The following TOPAZ1 variants were observed in gnomAD, a reference collection of about 807,000 sequenced individuals.
TOPAZ1 encodes testis and ovary specific TOPAZ 1, also known as protein TOPAZ1.
In TOPAZ1, 66 loss-of-function variants were observed where a neutral mutation model predicts 172.2. That is an observed-to-expected ratio of 0.38 (90% CI 0.31 to 0.47). TOPAZ1 has a LOEUF of 0.47. Ranked by LOEUF, TOPAZ1 falls within the 20% of genes least tolerant of loss-of-function variation. The pLI, the probability that TOPAZ1 is intolerant of heterozygous loss-of-function variation, is 0.99. For missense variants in TOPAZ1, 1,822 were observed against 1,972.4 expected (o/e 0.92, Z 1.44); for synonymous variants, 681 against 683.9 (o/e 1.00, Z 0.07).
intron 2 of TOPAZ1, 82 bp downstream of exon 2, chr3:44,245,353 G>A (rs900051639): frequency 7.4e-7 from 1 of 1,343,040 alleles, no homozygotes; most frequent in African/African-American, 1.5e-5. Flanking sequence ...AATGTATTCA[G>A]TGATATTGAA....
At chr3:44,276,624 C>CTTTTTGTTTTTTTTT (rs1699961089) in intron 8 of TOPAZ1, among the ~76,000 whole-genome samples, 1 of 24,124 alleles carries the variant, frequency 4.1e-5, no homozygotes, top group Non-Finnish European at 7.9e-5. Context: ...CAGCTTTGTT[C>CTTTTTGTTTTTTTTT]TTTTTTTTTT....
intron 16 of TOPAZ1, among the ~76,000 whole-genome samples, chr3:44,312,016 G>A (rs1674311484): frequency 6.6e-6 from 1 of 151,754 alleles, no homozygotes; most frequent in South Asian, 2.1e-4. Flanking sequence ...CTAAGAATTT[G>A]TACTGCACAC....
At chr3:44,265,663 A>G (rs1277112916) in intron 5 of TOPAZ1, among the ~76,000 whole-genome samples, 1 of 152,218 alleles carries the variant, frequency 6.6e-6, no homozygotes, top group Non-Finnish European at 1.5e-5. Flanking sequence ...TTTTGAAAGG[A>G]ATCTTTTTGA....
In TOPAZ1 at chr3:44,309,834, G is replaced by A; in HGVS notation, c.4150G>A (p.Val1384Ile). 6.6e-7 allele frequency: 1 copy of A among 1,519,794 alleles called. No homozygotes were observed. The highest frequency in any genetic ancestry group is 8.9e-7 in the Non-Finnish European group (1 of 1,127,234). 94.1% of individuals were successfully genotyped at this position (1,519,794 alleles called of 1,614,324 possible). ...KLLQWSKGRK[V>I]LEKLYELKIH... The stretch of plus-strand genomic sequence containing the variant: ...TTTATTTTTATTCTAGGGAAGGAAG[G>A]TCTTAGAGAAACTATATGAATTAAA... Residue 1384 changes from valine to isoleucine, a missense_variant, in exon 16 of 20, where the codon GTC becomes ATC. Physicochemically the swap from Val to Ile is conservative, Grantham distance 29. Around this residue, in one of 2 missense-constraint regions of TOPAZ1, gnomAD observed 333 missense variants for 481.7 expected, o/e 0.69. Transcript: ENST00000309765.
At chr3:44,259,528 C>T (rs1699752446) in intron 4 of TOPAZ1, among the ~76,000 whole-genome samples, 1 of 152,152 alleles carries the variant, frequency 6.6e-6, no homozygotes, top group Non-Finnish European at 1.5e-5. Context: ...ACAAGTCCCA[C>T]TATTGATGGA....
chr3:44,249,403 A>G (rs769639914), intron 2 of TOPAZ1, among the ~76,000 whole-genome samples: 64 of 152,318 alleles, frequency 4.2e-4, no homozygotes, highest in Non-Finnish European at 8.7e-4. Flanking sequence ...ACAAAGAAGA[A>G]GGAAAGAAGT....
In TOPAZ1 at chr3:44,244,823, T is replaced by G; in HGVS notation, c.2317T>G (p.Phe773Val). The G allele has an allele frequency of 6.4e-7, 1 of 1,551,648 alleles. No homozygotes were observed. The highest frequency in any genetic ancestry group is 8.7e-7 in the Non-Finnish European group (1 of 1,147,002). ...GAAATCCTATAGTATTTCTCCAAGCTTTACAAAGCAAGGTAACAATAGCAA... is the reference window on the plus strand; with the variant it reads ...GAAATCCTATAGTATTTCTCCAAGCGTTACAAAGCAAGGTAACAATAGCAA... ...NKKSYSISPS[F>V]TKQGNNSKPS... The change falls in exon 2 of 20, where the codon TTT becomes GTT. Residue 773 changes from phenylalanine (F) to valine (V), a missense_variant. Phe to Val is a conservative substitution (Grantham distance 50). This residue lies in a region of TOPAZ1 where 1,489 missense variants were observed against 1,490.8 expected (regional missense o/e 1.00). Coordinates refer to ENST00000309765, the MANE Select transcript of TOPAZ1 (RefSeq NM_001145030.2).
intron 2 of TOPAZ1, 33 bp from the exon 3 acceptor site, chr3:44,254,935 T>G (rs1363022007): frequency 6.7e-7 from 1 of 1,482,162 alleles, no homozygotes; most frequent in Non-Finnish European, 9.2e-7. Context: ...TAGAATCTAT[T>G]ATAATGTTTA....
chr3:44,299,011 C>T (rs1393757685), intron 12 of TOPAZ1, among the ~76,000 whole-genome samples: 2 of 142,884 alleles, frequency 1.4e-5, no homozygotes, highest in African/African-American at 5.1e-5. Context: ...CAACCTCCGC[C>T]TCCTGGGTTC....
At chr3:44,310,293 G>A (rs1241861647) in intron 16 of TOPAZ1, among the ~76,000 whole-genome samples, 1 of 152,230 alleles carries the variant, frequency 6.6e-6, no homozygotes, top group Non-Finnish European at 1.5e-5. Context: ...GAGGTCAGGA[G>A]TTTGAGACCA....
At chr3:44,262,710 A>T (rs1699788282) in intron 5 of TOPAZ1, among the ~76,000 whole-genome samples, 1 of 152,194 alleles carries the variant, frequency 6.6e-6, no homozygotes. Flanking sequence ...TTTTTTGAGG[A>T]AAGATAAGGA....
intron 17 of TOPAZ1, among the ~76,000 whole-genome samples, chr3:44,322,655 G>A (rs886280903): frequency 6.6e-6 from 1 of 152,172 alleles, no homozygotes; most frequent in Non-Finnish European, 1.5e-5. Flanking sequence ...TTGAGCCCAG[G>A]AATTTGAGAT....
At chr3:44,328,716 G>A (rs1456573226) in intron 19 of TOPAZ1, among the ~76,000 whole-genome samples, 1 of 151,912 alleles carries the variant, frequency 6.6e-6, no homozygotes, top group African/African-American at 2.4e-5. Flanking sequence ...TCCTCTTTAG[G>A]TACCAACCTT....
intron 12 of TOPAZ1, among the ~76,000 whole-genome samples, chr3:44,294,513 G>A (rs1374243440): frequency 6.6e-6 from 1 of 150,752 alleles, no homozygotes. Flanking sequence ...TTTTTTCTTT[G>A]AGACAGTATC....
chr3:44,264,359 G>A lies in TOPAZ1; in HGVS notation c.3020+1876G>A, dbSNP rs202171943. On this transcript the variant is annotated intron_variant, in intron 5 of 19. Coordinates refer to ENST00000309765, the MANE Select transcript of TOPAZ1 (RefSeq NM_001145030.2). ...TATGAATTTTTTTGTTTCCTAGTGCGTATAAAAGTTATGCTTACACTGTAC... is the reference window on the plus strand; with the variant it reads ...TATGAATTTTTTTGTTTCCTAGTGCATATAAAAGTTATGCTTACACTGTAC... 7.9e-5 allele frequency among the ~76,000 whole-genome samples: 12 copies of A among 152,310 alleles called. No homozygotes were observed. The East Asian group carries it at 1.2e-3, about 15-fold the overall frequency.
chr3:44,301,156 A>G (rs1397496377), intron 12 of TOPAZ1, among the ~76,000 whole-genome samples: 1 of 152,198 alleles, frequency 6.6e-6, no homozygotes, highest in African/African-American at 2.4e-5. Flanking sequence ...ATAAAAGGGT[A>G]TCATGAGAAA....
chr3:44,274,548 A>T (rs868171069), intron 8 of TOPAZ1, among the ~76,000 whole-genome samples: 3 of 147,912 alleles, frequency 2.0e-5, no homozygotes, highest in African/African-American at 4.9e-5. Flanking sequence ...ACAAAATGGA[A>T]GTAAAGCCTT....
At chr3:44,283,885 A>T (rs1413006675) in intron 9 of TOPAZ1, among the ~76,000 whole-genome samples, 1 of 152,230 alleles carries the variant, frequency 6.6e-6, no homozygotes, top group African/African-American at 2.4e-5. Flanking sequence ...TAACCATGGT[A>T]CATTTATCCA....
downstream of TOPAZ1, among the ~76,000 whole-genome samples, chr3:44,333,017 T>C (rs1194122107): frequency 6.8e-6 from 1 of 146,252 alleles, no homozygotes; most frequent in Non-Finnish European, 1.5e-5. Flanking sequence ...TGAGATGGGG[T>C]TTTGCTATGT....
Sources: gnomAD v4.1 joint callset for allele counts (sites outside exome capture counted in the v4.1 genomes callset) on GRCh38, gnomAD v4.1.1 for gene constraint, gnomAD v4.1.1 regional missense constraint, MANE v1.5 for transcripts, NCBI Gene and HGNC (gene_info 2026-07-23, HGNC 2026-07-21) for gene names.